LTBP4: variants seen among roughly 807,000 people sequenced by gnomAD.
The protein encoded by LTBP4 is latent transforming growth factor beta binding protein 4.
A neutral mutation model predicts 180.2 loss-of-function variants in LTBP4; 93 were observed. The ratio of observed to expected loss-of-function variants is 0.52; its 90% CI spans 0.44 to 0.61. The LOEUF is 0.61. Ranked by LOEUF, LTBP4 falls within the 20% of genes least tolerant of loss-of-function variation. LTBP4 has a pLI of 0.00. For missense variants in LTBP4, 2,116 were observed against 2,256.5 expected, an observed-to-expected ratio of 0.94 and a Z score of 1.26; for synonymous variants, 947 against 934.5, an observed-to-expected ratio of 1.01 and a Z score of -0.24.
intron 1 of LTBP4, among the ~76,000 whole-genome samples, 178 bp from the exon 2 acceptor site, chr19:40,604,857 G>A (rs1218872506): frequency 3.9e-5 from 6 of 152,158 alleles, no homozygotes; most frequent in Non-Finnish European, 8.8e-5. Flanking sequence ...GGGTGGGACC[G>A]TACCTCTGAT....
intron 26 of LTBP4, among the ~76,000 whole-genome samples, chr19:40,625,309 TATATA>T (rs2081624645): frequency 3.1e-4 from 9 of 29,016 alleles, no homozygotes; most frequent in Non-Finnish European, 3.9e-4. Context: ...TATATATATA[TATATA>T]TATTTTTTTT....
At chr19:40,599,574 C>T, upstream of LTBP4, 2 of 1,598,748 alleles carry the variant, frequency 1.3e-6, no homozygotes, top group Non-Finnish European at 1.7e-6. Context: ...GGCAGTCCCT[C>T]CCCTACCAAA....
upstream of LTBP4, among the ~76,000 whole-genome samples, chr19:40,601,188 C>A (rs1438547275): frequency 1.3e-5 from 2 of 151,896 alleles, no homozygotes; most frequent in African/African-American, 4.8e-5. Flanking sequence ...CTCACCCCTG[C>A]GAGTCTAGCG....
Position 40,619,386 on chromosome 19 carries a change from C to A in LTBP4, c.3110C>A (p.Ala1037Asp). 1 of 1,613,904 alleles carries A rather than the reference C, an allele frequency of 6.2e-7. No homozygotes were observed. Among genetic ancestry groups the A allele is most frequent in the Non-Finnish European group, 8.5e-7 (1 of 1,179,844 alleles). The change falls in exon 22 of 30, where the codon GCT (alanine) becomes GAT (aspartate). Residue 1037 changes from alanine to aspartate, a missense_variant. Around this residue, in one of 5 missense-constraint regions of LTBP4, gnomAD observed 278 missense variants for 373.0 expected, o/e 0.75. Coordinates refer to ENST00000396819, the MANE Select transcript of LTBP4 (RefSeq NM_001042545.2). ...ECETLQGVCG[A>D]ALCENVEGSF... is the part of the protein sequence containing the mutation. ...GAAACACTACAGGGTGTATGTGGAGCTGCCCTGTGTGAAAATGTCGAAGGC... is the reference window on the plus strand; with the variant it reads ...GAAACACTACAGGGTGTATGTGGAGATGCCCTGTGTGAAAATGTCGAAGGC...
In LTBP4 at chr19:40,611,393, A is replaced by G. The variant is rs1455929578; in HGVS notation, c.2052A>G (p.Gln684=). 1 of 1,603,886 alleles carries G rather than the reference A, an allele frequency of 6.2e-7. No individual in the cohort carries two copies. The highest frequency in any genetic ancestry group is 1.7e-5 in the Admixed American group (1 of 59,848). ...FRSRGPGAPC[Q]DVDECARSPP... is the part of the protein sequence containing the mutation. Reference sequence around the variant, plus strand: ...CCCGAGGGCCCGGGGCCCCCTGCCAAGGTGAGGGTGCTGAGCCCAGCCCTA... The same window carrying G: ...CCCGAGGGCCCGGGGCCCCCTGCCAGGGTGAGGGTGCTGAGCCCAGCCCTA... The change falls in exon 13 of 30, where the codon CAA becomes CAG. Residue 684 remains glutamine, a splice_region_variant and synonymous_variant. Coordinates refer to ENST00000396819, the MANE Select transcript of LTBP4 (RefSeq NM_001042545.2). The surrounding 1 kb of genome is among the most constrained non-coding windows in gnomAD (Gnocchi z 4.4).
intron 19 of LTBP4, among the ~76,000 whole-genome samples, chr19:40,615,542 G>C (rs1352729187): frequency 6.6e-6 from 1 of 152,140 alleles, no homozygotes; most frequent in Non-Finnish European, 1.5e-5. Context: ...GATGGATCAC[G>C]AGGTCAGGAG....
At position 40,627,330 on chromosome 19, in the gene LTBP4, G is replaced by A. The variant is rs773980270; in HGVS notation, c.4341G>A (p.Glu1447=). Residue 1447 remains glutamate, a synonymous_variant, in exon 28 of 30, where the codon GAG becomes GAA. Transcript: ENST00000396819. ...DTRRSFPEPE[E]PPEGGSYAGS... ...GCCGCTCCTTCCCAGAGCCCGAGGA[G>A]CCTCCTGAAGGTGGAAGCTATGCTG... The A allele has an allele frequency of 1.1e-5, 17 of 1,517,722 alleles. No individual in the cohort carries two copies. The highest frequency in any genetic ancestry group is 1.5e-5 in the Non-Finnish European group (17 of 1,134,732). 94.0% of individuals were successfully genotyped at this position (1,517,722 alleles called of 1,614,324 possible). A position where few individuals can be genotyped will look rare whatever the true frequency, so the allele number is the denominator to read the frequency against.
Position 40,627,198 on chromosome 19 carries a change from C to G in LTBP4, c.4209C>G (p.Arg1403=). Reference sequence around the variant, plus strand: ...GGGAGGCTCCTTATGGGGCACCCCGCTTCGACATGCCAGACTTTGAGGACG... The same window carrying G: ...GGGAGGCTCCTTATGGGGCACCCCGGTTCGACATGCCAGACTTTGAGGACG... ...ARREAPYGAP[R]FDMPDFEDDG... The change falls in exon 28 of 30, where the codon CGC becomes CGG. Residue 1403 remains arginine, a synonymous_variant. Transcript: ENST00000396819. The G allele has an allele frequency of 6.2e-7, 1 of 1,611,592 alleles. No homozygotes were observed. Among genetic ancestry groups the G allele is most frequent in the East Asian group, 2.2e-5 (1 of 44,810 alleles).
chr19:40,611,470 A>T lies in LTBP4; in HGVS notation c.2053+76A>T, dbSNP rs1399881920. Reference sequence around the variant, plus strand: ...GGAGAGAGATTATTGAGGGGCAGAGAGGCAGAGTGATGGGGCTCAGGGATG... The same window carrying T: ...GGAGAGAGATTATTGAGGGGCAGAGTGGCAGAGTGATGGGGCTCAGGGATG... On this transcript the variant is annotated intron_variant, in intron 13 of 29. Transcript: ENST00000396819. The surrounding 1 kb of genome is among the most constrained non-coding windows in gnomAD (Gnocchi z 4.4). The T allele has an allele frequency of 3.9e-6, 6 of 1,529,008 alleles. No homozygotes were observed. The highest frequency in any genetic ancestry group is 1.9e-5 in the Admixed American group (1 of 53,222). The allele number at this position is 1,529,008 out of a possible 1,614,324, so 94.7% of individuals were successfully genotyped here. A position where few individuals can be genotyped will look rare whatever the true frequency, so the allele number is the denominator to read the frequency against.
At chr19:40,628,195 G>C (rs1293951379) in intron 29 of LTBP4, among the ~76,000 whole-genome samples, 1 of 152,208 alleles carries the variant, frequency 6.6e-6, no homozygotes, top group Admixed American at 6.5e-5. Context: ...TGTAAAATGG[G>C]AATATTAATC....
At chr19:40,603,670 G>A (rs1249855139) in intron 1 of LTBP4, among the ~76,000 whole-genome samples, 1 of 152,146 alleles carries the variant, frequency 6.6e-6, no homozygotes, top group East Asian at 1.9e-4. Context: ...GGCTCTCTGC[G>A]TCCTTTCCTC....
Position 40,613,406 on chromosome 19 carries a change from G to C in LTBP4, c.2434G>C (p.Val812Leu). 2.5e-6 allele frequency: 4 copies of C among 1,606,440 alleles called. No homozygotes were observed. Among genetic ancestry groups the C allele is most frequent in the Non-Finnish European group, 3.4e-6 (4 of 1,177,106 alleles). ...PSGRPGPCAD[V>L]NECLEGDFCF... ...GCCCAATCTCCCGCGTACCCTAGACGTGAACGAGTGCCTGGAGGGCGATTT... is the reference window on the plus strand; with the variant it reads ...GCCCAATCTCCCGCGTACCCTAGACCTGAACGAGTGCCTGGAGGGCGATTT... The change falls in exon 17 of 30, where the codon GTG becomes CTG. Residue 812 changes from valine (V) to leucine (L), a missense_variant and splice_region_variant. Coordinates refer to ENST00000396819, the MANE Select transcript of LTBP4 (RefSeq NM_001042545.2). The surrounding 1 kb of genome is among the most constrained non-coding windows in gnomAD (Gnocchi z 5.0).
Position 40,605,199 on chromosome 19 carries a change from C to T in LTBP4, c.415C>T (p.Leu139=). 6.2e-7 allele frequency: 1 copy of T among 1,604,198 alleles called. No individual in the cohort carries two copies. The highest frequency in any genetic ancestry group is 8.5e-7 in the Non-Finnish European group (1 of 1,175,532). ...GLTRSVYTMP[L]ANHRDDEHGV... is the part of the protein sequence containing the mutation. ...CACCCGCTCCGTGTACACTATGCCA[C>T]TGGCCAACCACCGCGACGACGAGCA... Residue 139 remains leucine, a synonymous_variant, in exon 2 of 30, where the codon CTG becomes TTG. Coordinates refer to ENST00000396819, the MANE Select transcript of LTBP4 (RefSeq NM_001042545.2). This position sits in a 1 kb window ranked among gnomAD's most constrained non-coding sequence, Gnocchi z 5.5.
In LTBP4 at chr19:40,606,267, T is replaced by G. The variant is rs1326209312; in HGVS notation, c.828T>G (p.Pro276=). The stretch of plus-strand genomic sequence containing the variant: ...AAAGAGTGAGCGCCCCAGATGGACC[T>G]TGTCCAACCGGCTTTGAAAGAGTTA... ...NSERVSAPDG[P]CPTGFERVNG... is the part of the protein sequence containing the mutation. The change falls in exon 5 of 30, where the codon CCT becomes CCG. Residue 276 remains proline (P), a synonymous_variant. Coordinates refer to ENST00000396819, the MANE Select transcript of LTBP4 (RefSeq NM_001042545.2). 2 of 1,599,380 alleles carry G rather than the reference T, an allele frequency of 1.3e-6. No individual in the cohort carries two copies. Among genetic ancestry groups the G allele is most frequent in the African/African-American group, 1.3e-5 (1 of 74,822 alleles).
chr19:40,607,547 T>G lies in LTBP4; in HGVS notation c.1156+18T>G, dbSNP rs772279964. Reference sequence around the variant, plus strand: ...CGGCTCAGGTGAGCCCCTGCGGCAGTGCCTAGCCCTACGCGCAACACATGT... The same window carrying G: ...CGGCTCAGGTGAGCCCCTGCGGCAGGGCCTAGCCCTACGCGCAACACATGT... On this transcript the variant is annotated intron_variant, in intron 7 of 29. Transcript: ENST00000396819. 1.3e-6 allele frequency: 2 copies of G among 1,595,640 alleles called. No homozygotes were observed. Among genetic ancestry groups the G allele is most frequent in the African/African-American group, 2.7e-5 (2 of 74,596 alleles).
rs753419671 is a variant in LTBP4 at position 40,627,004 on chromosome 19, C to T, written c.4015C>T (p.Arg1339Cys). The change falls in exon 28 of 30, where the codon CGC becomes TGC. Residue 1339 changes from arginine (R) to cysteine (C), a missense_variant. By Grantham distance (180) the Arg-to-Cys change is radical. Transcript: ENST00000396819. ...CTTCGAGGCCCTGTGCAATGTGCTA[C>T]GCCCCCCCGCATATAGCCCCCCGCG... ...DDFEALCNVL[R>C]PPAYSPPRPG... is the part of the protein sequence containing the mutation. The T allele has an allele frequency of 3.2e-6, 5 of 1,586,884 alleles. No individual in the cohort carries two copies. Among genetic ancestry groups the T allele is most frequent in the East Asian group, 2.2e-5 (1 of 44,452 alleles).
rs1270419641 is a variant in LTBP4, at chr19:40,622,936, G to T, written c.3485-14G>T. The T allele has an allele frequency of 6.2e-7, 1 of 1,612,666 alleles. No individual in the cohort carries two copies. The highest frequency in any genetic ancestry group is 1.1e-5 in the South Asian group (1 of 90,874). ...GGCTCTGGTGTCCTGGCTCAGGCTTGTCTCTGTGTGTAGCTGAGTACCAGT... is the reference window on the plus strand; with the variant it reads ...GGCTCTGGTGTCCTGGCTCAGGCTTTTCTCTGTGTGTAGCTGAGTACCAGT... On this transcript the variant is annotated splice_polypyrimidine_tract_variant and intron_variant, in intron 23 of 29. Transcript: ENST00000396819. The surrounding 1 kb of genome is among the most constrained non-coding windows in gnomAD (Gnocchi z 5.1).
In LTBP4 at chr19:40,605,650, G is replaced by C. The variant is rs1376567591; in HGVS notation, c.688G>C (p.Glu230Gln). ...GYCFRELRGG[E>Q]CASPLPGLRT... ...CTGCTTTCGGGAGCTGCGCGGAGGC[G>C]AAGTGAGAGGAGGCCCGTGGGGAGG... Residue 230 changes from glutamate to glutamine, a missense_variant and splice_region_variant, in exon 3 of 30, where the codon GAA becomes CAA. Physicochemically the swap from Glu to Gln is conservative, Grantham distance 29. Transcript: ENST00000396819. The surrounding 1 kb of genome is among the most constrained non-coding windows in gnomAD (Gnocchi z 5.5). 1.2e-5 allele frequency: 19 copies of C among 1,566,284 alleles called. No individual in the cohort carries two copies. The highest frequency in any genetic ancestry group is 1.6e-5 in the Non-Finnish European group (19 of 1,156,380).
At chr19:40,606,618 C>T (rs1027190901) in intron 6 of LTBP4, 92 bp downstream of exon 6, 6 of 1,462,404 alleles carry the variant, frequency 4.1e-6, no homozygotes, top group Admixed American at 2.1e-5. Context: ...CCCTCGGACC[C>T]CCCCAGACTC....
Sources: gnomAD v4.1 joint callset for allele counts (sites outside exome capture counted in the v4.1 genomes callset) on GRCh38, gnomAD v4.1.1 for gene constraint, gnomAD v4.1.1 regional missense constraint, Gnocchi (gnomAD v3.1) non-coding constraint, MANE v1.5 for transcripts, NCBI Gene and HGNC (gene_info 2026-07-23, HGNC 2026-07-21) for gene names.